IMMP2L: variants seen among roughly 807,000 people sequenced by gnomAD.
IMMP2L encodes mitochondrial inner membrane protease subunit 2.
IMMP2L carries 18 observed loss-of-function variants against 19.3 expected under a neutral mutation model. That is an observed-to-expected ratio of 0.93 (90% CI 0.64 to 1.38). The LOEUF is 1.38. IMMP2L is among the 40% of genes most tolerant of loss of function. The pLI is 0.00. For synonymous variants in IMMP2L, 76 were observed against 73.0 expected, an observed-to-expected ratio of 1.04 and a Z score of -0.21; for missense variants, 233 against 218.2, an observed-to-expected ratio of 1.07 and a Z score of -0.43.
intron 3 of IMMP2L, among the ~76,000 whole-genome samples, chr7:111,419,402 G>A (rs1341635527): frequency 6.6e-6 from 1 of 151,442 alleles, no homozygotes; most frequent in African/African-American, 2.4e-5. Context: ...AAGGAAATGG[G>A]CCCCAAAATC....
At chr7:111,060,625 TA>T (rs1793932642) in intron 3 of IMMP2L, among the ~76,000 whole-genome samples, 1 of 152,220 alleles carries the variant, frequency 6.6e-6, no homozygotes, top group Non-Finnish European at 1.5e-5. Context: ...GCATCAGTCT[TA>T]AATCTACAAG....
intron 3 of IMMP2L, among the ~76,000 whole-genome samples, chr7:111,097,795 A>G (rs1022070110): frequency 2.6e-5 from 4 of 151,924 alleles, no homozygotes; most frequent in Non-Finnish European, 4.4e-5. Flanking sequence ...AGTATTCAAC[A>G]TCTGTAGAAT....
chr7:111,434,840 C>A (rs1836992677), intron 3 of IMMP2L, among the ~76,000 whole-genome samples: 1 of 151,886 alleles, frequency 6.6e-6, no homozygotes, highest in African/African-American at 2.4e-5. Context: ...CAAGCATGAG[C>A]CACTGTGCCT....
chr7:111,194,404 GA>G (rs1296469825), intron 3 of IMMP2L, among the ~76,000 whole-genome samples: 1 of 152,114 alleles, frequency 6.6e-6, no homozygotes, highest in African/African-American at 2.4e-5. Flanking sequence ...CAGCCTCTGA[GA>G]AAGATTCCTG....
At chr7:110,737,602 A>G (rs966331583) in intron 5 of IMMP2L, among the ~76,000 whole-genome samples, 6 of 152,172 alleles carry the variant, frequency 3.9e-5, no homozygotes, top group Non-Finnish European at 8.8e-5. Flanking sequence ...GTAGCTGAAG[A>G]AAAAGGTCAT....
intron 3 of IMMP2L, among the ~76,000 whole-genome samples, chr7:111,071,739 G>T (rs1217573187): frequency 6.6e-6 from 1 of 151,948 alleles, no homozygotes; most frequent in African/African-American, 2.4e-5. Flanking sequence ...AGGGAGAACA[G>T]GAAATAACTG....
intron 3 of IMMP2L, among the ~76,000 whole-genome samples, chr7:111,053,319 T>C (rs538081439): frequency 6.6e-6 from 1 of 152,178 alleles, no homozygotes; most frequent in Non-Finnish European, 1.5e-5. Context: ...CTGCTAGCGC[T>C]TGGGAGGGGA....
At chr7:111,442,812 T>C (rs1171636106) in intron 3 of IMMP2L, among the ~76,000 whole-genome samples, 2 of 151,932 alleles carry the variant, frequency 1.3e-5, no homozygotes, top group African/African-American at 2.4e-5. Flanking sequence ...TAAGTGGTTT[T>C]AAGATTAAAT....
At chr7:111,188,764 G>C (rs1464292682) in intron 3 of IMMP2L, among the ~76,000 whole-genome samples, 1 of 152,012 alleles carries the variant, frequency 6.6e-6, no homozygotes, top group East Asian at 1.9e-4. Context: ...CCCAGAGAGT[G>C]GCCACTTGAA....
rs189603681 is a variant in IMMP2L at position 110,951,964 on chromosome 7, C to T, written c.305+11536G>A. Among the ~76,000 whole-genome samples, 9 of 152,202 alleles carry T rather than the reference C, an allele frequency of 5.9e-5. No homozygotes were observed. The East Asian group carries it at 1.7e-3, about 29-fold the overall frequency. On this transcript the variant is annotated intron_variant, in intron 4 of 5. Transcript: ENST00000405709. Reference sequence around the variant, plus strand: ...CTGAAGTTGCACAAAAATAGAAGAGCTGTTTCTTAATATTAAGTAACTGTT... The same window carrying T: ...CTGAAGTTGCACAAAAATAGAAGAGTTGTTTCTTAATATTAAGTAACTGTT...
intron 5 of IMMP2L, among the ~76,000 whole-genome samples, chr7:110,793,208 C>T (rs1209148949): frequency 6.6e-6 from 1 of 151,942 alleles, no homozygotes; most frequent in East Asian, 1.9e-4. Flanking sequence ...TCACTTGAGG[C>T]CGGGAGGTAC....
chr7:110,964,205 T>C (rs1184048673), intron 3 of IMMP2L, among the ~76,000 whole-genome samples: 2 of 152,042 alleles, frequency 1.3e-5, no homozygotes, highest in Non-Finnish European at 2.9e-5. Flanking sequence ...CTATCCAGTC[T>C]CAGGTAGTAT....
At chr7:111,380,793 C>T (rs765215155) in intron 3 of IMMP2L, among the ~76,000 whole-genome samples, 3 of 151,966 alleles carry the variant, frequency 2.0e-5, no homozygotes, top group Non-Finnish European at 4.4e-5. Flanking sequence ...ACTCTGATAT[C>T]ATATTGTATC....
chr7:110,872,874 C>T (rs532178533), intron 5 of IMMP2L, among the ~76,000 whole-genome samples: 1 of 152,320 alleles, frequency 6.6e-6, no homozygotes, highest in East Asian at 1.9e-4. Context: ...GCCATGGGAT[C>T]AGCCTTCCCC....
chr7:111,047,672 A>C (rs1053714715), intron 3 of IMMP2L, among the ~76,000 whole-genome samples: 2 of 152,076 alleles, frequency 1.3e-5, no homozygotes, highest in African/African-American at 4.8e-5. Context: ...TCTTCTTAGA[A>C]ATTCCAGGGG....
rs559454772 is a variant in IMMP2L, at chr7:111,416,210, G to A, written c.239+71028C>T. Among the ~76,000 whole-genome samples the A allele has an allele frequency of 7.9e-5, 12 of 151,812 alleles. No individual in the cohort carries two copies. The South Asian group carries it at 2.3e-3, about 29-fold the overall frequency. On this transcript the variant is annotated intron_variant, in intron 3 of 5. Transcript: ENST00000405709. ...AAGTACATATTGAAACTTTATATAC[G>A]ATGCTTGAAAGGTCACCTGTTCACT... is the stretch of plus-strand genomic sequence containing the variant.
intron 3 of IMMP2L, among the ~76,000 whole-genome samples, chr7:111,475,678 A>C (rs906930043): frequency 3.3e-5 from 5 of 152,056 alleles, no homozygotes; most frequent in Non-Finnish European, 5.9e-5. Context: ...TCCCAGAATA[A>C]ATTACAAGGA....
chr7:111,063,317 C>T (rs914175419), intron 3 of IMMP2L, among the ~76,000 whole-genome samples: 1 of 152,284 alleles, frequency 6.6e-6, no homozygotes, highest in East Asian at 1.9e-4. Flanking sequence ...AGCTGGGATG[C>T]AGGGCACCAA....
At chr7:111,138,047 C>G (rs1336427024) in intron 3 of IMMP2L, among the ~76,000 whole-genome samples, 2 of 152,108 alleles carry the variant, frequency 1.3e-5, no homozygotes, top group Non-Finnish European at 2.9e-5. Flanking sequence ...GCAGGCTGGT[C>G]TCGAGCTCCT....
Sources: gnomAD v4.1 joint callset for allele counts (sites outside exome capture counted in the v4.1 genomes callset) on GRCh38, gnomAD v4.1.1 for gene constraint, MANE v1.5 for transcripts, NCBI Gene and HGNC (gene_info 2026-07-23, HGNC 2026-07-21) for gene names.